The following MYO6 variants were observed in gnomAD, a reference collection of about 807,000 sequenced individuals.
The protein encoded by MYO6 is unconventional myosin-VI.
A neutral mutation model predicts 178.7 loss-of-function variants in MYO6; 74 were observed. That is an observed-to-expected ratio of 0.41 (90% CI 0.34 to 0.50). The LOEUF (loss-of-function observed/expected upper bound fraction) is 0.50. Among genes scored for constraint, MYO6 ranks in the 20% least tolerant of loss-of-function variants. MYO6 has a pLI of 0.09. For missense variants in MYO6, 1,330 were observed against 1,547.4 expected (o/e 0.86, Z 2.36); for synonymous variants, 477 against 504.6 (o/e 0.95, Z 0.73).
intron 20 of MYO6, among the ~76,000 whole-genome samples, chr6:75,879,232 G>T (rs1294965483): frequency 6.6e-6 from 1 of 151,826 alleles, no homozygotes; most frequent in Non-Finnish European, 1.5e-5. Flanking sequence ...AACTAGACTT[G>T]ATCTTTCCTT....
chr6:75,803,574 T>C (rs538134042), intron 1 of MYO6, among the ~76,000 whole-genome samples: 1 of 152,250 alleles, frequency 6.6e-6, no homozygotes, highest in African/African-American at 2.4e-5. Flanking sequence ...CCTAAAGCAG[T>C]GCCTGGTACT....
rs746580223 is a variant in MYO6, at chr6:75,817,529, C to G, written c.-19C>G. ...ACAGTGGATAGTGGAAACAGGAGAT[C>G]GTGGATCCTCCTTCAAAAATGGAGG... On this transcript the variant is annotated 5_prime_UTR_variant, in exon 2 of 35. In the 5' UTR this introduces an upstream ATG that the reference lacks. Coordinates refer to ENST00000369977, the MANE Select transcript of MYO6 (RefSeq NM_004999.4). 3.1e-6 allele frequency: 5 copies of G among 1,592,170 alleles called. No individual in the cohort carries two copies. The highest frequency in any genetic ancestry group is 3.4e-6 in the Non-Finnish European group (4 of 1,160,088).
intron 16 of MYO6, among the ~76,000 whole-genome samples, chr6:75,864,025 C>T (rs576706704): frequency 1.3e-5 from 2 of 152,180 alleles, no homozygotes; most frequent in African/African-American, 2.4e-5. Flanking sequence ...ATGTCAGTTT[C>T]GACCACAAAG....
At chr6:75,908,655 T>A in intron 32 of MYO6, 28 bp downstream of exon 32, 1 of 1,608,404 alleles carries the variant, frequency 6.2e-7, no homozygotes, top group Non-Finnish European at 8.5e-7. Flanking sequence ...CTTTTGAACG[T>A]TTTAAAATAT....
At chr6:75,790,176 G>T (rs1440552440) in intron 1 of MYO6, among the ~76,000 whole-genome samples, 1 of 152,138 alleles carries the variant, frequency 6.6e-6, no homozygotes, top group Non-Finnish European at 1.5e-5. Context: ...TAGATGCCTG[G>T]AAGTGAAAAT....
intron 1 of MYO6, among the ~76,000 whole-genome samples, 182 bp from the exon 2 acceptor site, chr6:75,817,319 A>AG (rs1328863958): frequency 7.3e-5 from 11 of 151,646 alleles, no homozygotes; most frequent in East Asian, 1.9e-4. Context: ...AAAAAAAAAA[A>AG]AAAGTAGATA....
intron 28 of MYO6, among the ~76,000 whole-genome samples, chr6:75,893,323 T>TA (rs990293334): frequency 1.5e-4 from 23 of 152,088 alleles, no homozygotes; most frequent in African/African-American, 5.3e-4. Flanking sequence ...AGATTCAGTT[T>TA]AAAAAAATTT....
chr6:75,911,335 T>C (rs944425289), intron 32 of MYO6, among the ~76,000 whole-genome samples: 1 of 152,016 alleles, frequency 6.6e-6, no homozygotes, highest in Non-Finnish European at 1.5e-5. Flanking sequence ...ATTCTAGTAA[T>C]GTATGAAAGG....
At chr6:75,757,371 GTGTATATATA>G (rs1426999630) in intron 1 of MYO6, among the ~76,000 whole-genome samples, 2 of 148,776 alleles carry the variant, frequency 1.3e-5, no homozygotes, top group African/African-American at 5.0e-5. Context: ...GTGTGTGTGT[GTGTATATATA>G]TGTATACACA....
Position 75,781,304 on chromosome 6 carries a change from T to G in MYO6, c.-48+31881T>G, listed in dbSNP as rs535388312. 3.5e-4 allele frequency among the ~76,000 whole-genome samples: 53 copies of G among 152,030 alleles called. No individual in the cohort carries two copies. The East Asian group carries it at 9.9e-3, about 28-fold the overall frequency. ...AATGACTTCGGGGAGGAGGAGAGAT[T>G]TGCTTAATTTTTGAAGCAGAGAGTA... On this transcript the variant is annotated intron_variant, in intron 1 of 34. Transcript: ENST00000369977.
intron 12 of MYO6, among the ~76,000 whole-genome samples, chr6:75,856,017 A>G (rs1224050319): frequency 6.6e-6 from 1 of 152,202 alleles, no homozygotes; most frequent in African/African-American, 2.4e-5. Flanking sequence ...CTCTCAGAAA[A>G]TTGGCTATCT....
intron 14 of MYO6, 125 bp downstream of exon 14, chr6:75,859,118 A>C: frequency 1.4e-6 from 1 of 702,790 alleles, no homozygotes; most frequent in South Asian, 1.7e-5. Context: ...TGGCTCAGGG[A>C]ATCTGGGAAG....
At chr6:75,881,458 C>G (rs571530089) in intron 22 of MYO6, among the ~76,000 whole-genome samples, 30 of 130,786 alleles carry the variant, frequency 2.3e-4, no homozygotes, top group Admixed American at 4.9e-4. Flanking sequence ...AATATGCTAC[C>G]TAGCATTAAG....
At chr6:75,846,138 A>T (rs7769842) in intron 10 of MYO6, among the ~76,000 whole-genome samples, 2,472 of 152,096 alleles carry the variant, frequency 0.016, 71 homozygotes, top group African/African-American at 0.057. Flanking sequence ...TTTTTAACAC[A>T]TTAAGTTCTT....
chr6:75,869,234 A>T lies in MYO6; in HGVS notation c.1945-1413A>T, dbSNP rs141177941. Among the ~76,000 whole-genome samples, 462 of 152,164 alleles carry T rather than the reference A, an allele frequency of 3.0e-3. 4 individuals carry two copies. Among genetic ancestry groups the T allele is most frequent in the Non-Finnish European group, 4.9e-3 (335 of 67,986 alleles). ...CGGTTGTCAGAACTCTGTCAGTGAGATAAGTGGGATACAACTGTATTTCTT... is the reference window on the plus strand; with the variant it reads ...CGGTTGTCAGAACTCTGTCAGTGAGTTAAGTGGGATACAACTGTATTTCTT... On this transcript the variant is annotated intron_variant, in intron 18 of 34. Transcript: ENST00000369977.
intron 11 of MYO6, among the ~76,000 whole-genome samples, chr6:75,852,109 GTT>G (rs10707651): frequency 4.2e-5 from 6 of 144,394 alleles, no homozygotes; most frequent in Non-Finnish European, 6.1e-5. Context: ...TAAAAATCCT[GTT>G]TTTTTTTTTT....
chr6:75,871,057 A>G (rs889966858), intron 19 of MYO6, among the ~76,000 whole-genome samples: 8 of 152,198 alleles, frequency 5.3e-5, no homozygotes, highest in Non-Finnish European at 1.0e-4. Context: ...GAAAAAATGG[A>G]CAAAATATTT....
At chr6:75,757,180 A>T (rs1312993343) in intron 1 of MYO6, among the ~76,000 whole-genome samples, 1 of 147,962 alleles carries the variant, frequency 6.8e-6, no homozygotes, top group Non-Finnish European at 1.5e-5. Flanking sequence ...ACACACATAT[A>T]TACACACATA....
Position 75,901,268 on chromosome 6 carries a change from A to C in MYO6, c.3176+2857A>C, listed in dbSNP as rs1209872514. On this transcript the variant is annotated intron_variant, in intron 30 of 34. Coordinates refer to ENST00000369977, the MANE Select transcript of MYO6 (RefSeq NM_004999.4). ...TAAAGTAGTTTTTTCCAATTCTGTG[A>C]AGAAAGGCATTGGTAGCTTGATGGG... 5.3e-5 allele frequency among the ~76,000 whole-genome samples: 8 copies of C among 152,054 alleles called. No individual in the cohort carries two copies. The South Asian group carries it at 1.7e-3, about 32-fold the overall frequency.
Sources: gnomAD v4.1 joint callset for allele counts (sites outside exome capture counted in the v4.1 genomes callset) on GRCh38, gnomAD v4.1.1 for gene constraint, MANE v1.5 for transcripts, NCBI Gene and HGNC (gene_info 2026-07-23, HGNC 2026-07-21) for gene names.